Variants in LOC400499 observed in about 807,000 individuals in gnomAD.
At chr16:11,480,569 T>A in the LOC400499 span, among the ~76,000 whole-genome samples, 1 of 152,204 alleles carries the variant, frequency 6.6e-6, no homozygotes, top group Non-Finnish European at 1.5e-5. Flanking sequence ...ATAGGATGAA[T>A]ATTAAAATAC....
the LOC400499 span, among the ~76,000 whole-genome samples, chr16:11,462,662 A>C: frequency 6.6e-6 from 1 of 152,142 alleles, no homozygotes; most frequent in East Asian, 1.9e-4. Context: ...AGCACAAGTG[A>C]TCCACCCGCC....
chr16:11,507,185 G>A, the LOC400499 span, among the ~76,000 whole-genome samples: 1 of 152,192 alleles, frequency 6.6e-6, no homozygotes, highest in Non-Finnish European at 1.5e-5. Flanking sequence ...ATCAAGCCAT[G>A]AGGTTCGGCA....
the LOC400499 span, chr16:11,425,355 GTGCCGTTCCC>G: frequency 2.5e-6 from 1 of 399,418 alleles, no homozygotes; most frequent in East Asian, 3.6e-5. Context: ...GCGCACGCTG[GTGCCGTTCCC>G]TGCCTTCTCA....
chr16:11,481,105 T>C, the LOC400499 span, among the ~76,000 whole-genome samples: 1 of 152,152 alleles, frequency 6.6e-6, no homozygotes, highest in Admixed American at 6.5e-5. Context: ...GACACAAAGG[T>C]CACATATTAT....
At chr16:11,377,925 C>G in the LOC400499 span, among the ~76,000 whole-genome samples, 11 of 152,318 alleles carry the variant, frequency 7.2e-5, no homozygotes, top group East Asian at 1.3e-3. Flanking sequence ...TTCTGCTTTT[C>G]TTTCCTGCCA....
At chr16:11,408,065 C>T in the LOC400499 span, among the ~76,000 whole-genome samples, 1 of 148,134 alleles carries the variant, frequency 6.8e-6, no homozygotes, top group South Asian at 2.2e-4. Flanking sequence ...TCACTGCAAC[C>T]TCTGCCTCCT....
At chr16:11,416,390 G>A in the LOC400499 span, among the ~76,000 whole-genome samples, 418 of 152,242 alleles carry the variant, frequency 2.7e-3, no homozygotes, top group Admixed American at 4.1e-3. Context: ...TCCTCACTCC[G>A]TCATTACCAG....
the LOC400499 span, among the ~76,000 whole-genome samples, chr16:11,434,107 G>C: frequency 6.6e-6 from 1 of 152,152 alleles, no homozygotes; most frequent in Admixed American, 6.6e-5. Context: ...CCCTCCTCCA[G>C]GAAGCCCTCC....
the LOC400499 span, chr16:11,469,313 C>T: frequency 4.3e-5 from 17 of 399,190 alleles, no homozygotes; most frequent in East Asian, 1.1e-4. Context: ...CTGGCCCCTC[C>T]GTCCCCCTGG....
chr16:11,485,471 C>T, the LOC400499 span, among the ~76,000 whole-genome samples: 1 of 152,142 alleles, frequency 6.6e-6, no homozygotes, highest in African/African-American at 2.4e-5. Context: ...TAGGCACCTG[C>T]ACGACCTCCC....
At chr16:11,401,759 T>TG in the LOC400499 span, among the ~76,000 whole-genome samples, 1 of 152,190 alleles carries the variant, frequency 6.6e-6, no homozygotes. Context: ...GCCGAGCAGA[T>TG]GGGAGGCTGA....
the LOC400499 span, among the ~76,000 whole-genome samples, chr16:11,461,380 T>C: frequency 6.6e-6 from 1 of 152,120 alleles, no homozygotes; most frequent in East Asian, 1.9e-4. Context: ...CCACCACACT[T>C]GGCTAATTTT....
chr16:11,474,482 G>A, the LOC400499 span, among the ~76,000 whole-genome samples: 3 of 152,064 alleles, frequency 2.0e-5, no homozygotes, highest in African/African-American at 4.8e-5. Context: ...GAACATCTTT[G>A]TGCACAGAGC....
chr16:11,413,259 G>C, the LOC400499 span, among the ~76,000 whole-genome samples: 2 of 152,192 alleles, frequency 1.3e-5, no homozygotes, highest in Non-Finnish European at 2.9e-5. Flanking sequence ...AAAGGGTTTA[G>C]ATGAAGCCAA....
At chr16:11,388,780 T>G in the LOC400499 span, among the ~76,000 whole-genome samples, 2 of 152,162 alleles carry the variant, frequency 1.3e-5, no homozygotes, top group East Asian at 3.9e-4. Context: ...GGCATTCTGC[T>G]CCAGCCCTGC....
chr16:11,480,455 C>G, the LOC400499 span, among the ~76,000 whole-genome samples: 2 of 152,172 alleles, frequency 1.3e-5, no homozygotes. Flanking sequence ...ACCTTGGTCA[C>G]TATCAGATGT....
the LOC400499 span, among the ~76,000 whole-genome samples, chr16:11,463,003 C>T: frequency 1.3e-5 from 2 of 152,284 alleles, no homozygotes; most frequent in Admixed American, 6.5e-5. Flanking sequence ...CTCCACACGG[C>T]AACCAGACAC....
the LOC400499 span, among the ~76,000 whole-genome samples, chr16:11,376,034 G>A: frequency 7.9e-5 from 12 of 152,064 alleles, no homozygotes; most frequent in Non-Finnish European, 1.5e-4. Flanking sequence ...CCACCGCGCC[G>A]GGCCCTTTGT....
chr16:11,477,504 A>G, the LOC400499 span, among the ~76,000 whole-genome samples: 2 of 152,222 alleles, frequency 1.3e-5, no homozygotes, highest in Non-Finnish European at 2.9e-5. Flanking sequence ...GGAGGGCGTC[A>G]CACGAGTTCA....
Sources: gnomAD v4.1 joint callset for allele counts (sites outside exome capture counted in the v4.1 genomes callset) on GRCh38, gnomAD v4.1.1 for gene constraint, MANE v1.5 for transcripts.